Variants in PVT1 observed in about 807,000 individuals in gnomAD.
The protein encoded by PVT1 is Pvt1 oncogene.
chr8:128,029,424 G>C (rs371696748), intron 4 of PVT1, among the ~76,000 whole-genome samples: 90 of 152,168 alleles, frequency 5.9e-4, no homozygotes, highest in African/African-American at 2.0e-3. Flanking sequence ...CATTGTGCCT[G>C]GCCTCCTATT....
intron 2 of PVT1, among the ~76,000 whole-genome samples, chr8:127,828,514 A>G (rs1419135107): frequency 6.6e-6 from 1 of 152,032 alleles, no homozygotes; most frequent in African/African-American, 2.4e-5. Context: ...CCAGAGATGT[A>G]TTTTGAAATT....
chr8:127,874,580 G>C (rs1479663169), intron 2 of PVT1, among the ~76,000 whole-genome samples: 2 of 152,158 alleles, frequency 1.3e-5, no homozygotes, highest in Admixed American at 1.3e-4. Context: ...TTCCTAGGAG[G>C]GGTGTTGAGA....
At chr8:127,805,283 T>C (rs1355531844) in intron 2 of PVT1, among the ~76,000 whole-genome samples, 1 of 152,194 alleles carries the variant, frequency 6.6e-6, no homozygotes, top group Non-Finnish European at 1.5e-5. Context: ...GTTTCGTTGC[T>C]TACTTTATCA....
chr8:127,882,036 G>A (rs374351210), intron 2 of PVT1, among the ~76,000 whole-genome samples: 1 of 152,132 alleles, frequency 6.6e-6, no homozygotes. Flanking sequence ...CGCTGTGCCC[G>A]GCTTATTCTT....
intron 4 of PVT1, chr8:127,996,571 C>A (rs1184034798): frequency 6.6e-6 from 1 of 151,886 alleles, no homozygotes; most frequent in Non-Finnish European, 1.5e-5. Flanking sequence ...AGTGTGGGCA[C>A]CCTGGCTTCA....
chr8:128,068,134 C>G (rs1325428864), intron 4 of PVT1, among the ~76,000 whole-genome samples: 1 of 151,904 alleles, frequency 6.6e-6, no homozygotes, highest in African/African-American at 2.4e-5. Flanking sequence ...AGGGATGTGT[C>G]CTCAGTGGAC....
At chr8:127,957,226 G>C (rs942368081) in intron 3 of PVT1, among the ~76,000 whole-genome samples, 17 of 152,118 alleles carry the variant, frequency 1.1e-4, no homozygotes, top group African/African-American at 4.1e-4. Context: ...CACCATGATA[G>C]CCTGTGACAT....
chr8:127,979,462 C>G (rs988832351), intron 3 of PVT1, among the ~76,000 whole-genome samples: 2 of 152,190 alleles, frequency 1.3e-5, no homozygotes, highest in African/African-American at 4.8e-5. Flanking sequence ...TCATATAAAC[C>G]TTTGCGATGC....
At chr8:127,803,464 T>C (rs543913028) in intron 2 of PVT1, 4 of 152,312 alleles carry the variant, frequency 2.6e-5, no homozygotes, top group East Asian at 1.9e-4. Context: ...TCCTGAGAAC[T>C]GGGCACTTTT....
chr8:127,985,321 C>T (rs368468620), intron 3 of PVT1, among the ~76,000 whole-genome samples: 12 of 152,036 alleles, frequency 7.9e-5, no homozygotes, highest in South Asian at 6.2e-4. Context: ...CGTGAGCCAC[C>T]GCGCCCAGCC....
chr8:127,802,739 A>G (rs955495542), intron 2 of PVT1, among the ~76,000 whole-genome samples: 4 of 152,232 alleles, frequency 2.6e-5, no homozygotes, highest in African/African-American at 9.6e-5. Context: ...GGTGAGGCAC[A>G]GGTGTTCTGC....
intron 2 of PVT1, among the ~76,000 whole-genome samples, chr8:127,868,162 A>G (rs1393068640): frequency 2.6e-5 from 4 of 152,116 alleles, no homozygotes; most frequent in Admixed American, 1.3e-4. Context: ...TTAATCCTAG[A>G]GCAGTTCTGC....
At chr8:127,932,661 C>T in intron 3 of PVT1, 1 of 397,548 alleles carries the variant, frequency 2.5e-6, no homozygotes, top group African/African-American at 2.1e-5. Context: ...TTCAAGGCCC[C>T]TTCTTTCTTT....
chr8:127,987,387 T>C (rs534342072), intron 3 of PVT1, among the ~76,000 whole-genome samples: 1 of 152,080 alleles, frequency 6.6e-6, no homozygotes, highest in South Asian at 2.1e-4. Context: ...TTTGGCCCAA[T>C]CTCATTGCCT....
At chr8:127,857,768 T>G (rs931198632) in intron 2 of PVT1, among the ~76,000 whole-genome samples, 1 of 152,234 alleles carries the variant, frequency 6.6e-6, no homozygotes, top group African/African-American at 2.4e-5. Flanking sequence ...TTTTTTACCC[T>G]CATGTTCTCC....
intron 2 of PVT1, among the ~76,000 whole-genome samples, chr8:127,860,897 C>T (rs1815221137): frequency 6.6e-6 from 1 of 152,068 alleles, no homozygotes; most frequent in African/African-American, 2.4e-5. Context: ...GCAAGGGGCT[C>T]CTTGAAGAGT....
chr8:127,814,772 C>T lies in PVT1; in HGVS notation n.372+18701C>T, dbSNP rs1262280733. Reference sequence around the variant, plus strand: ...TGTGTAACCATCACCGCTAATCTAACCATCTCCGGAACATTTTTCATCATT... The same window carrying T: ...TGTGTAACCATCACCGCTAATCTAATCATCTCCGGAACATTTTTCATCATT... On this transcript the variant is annotated intron_variant and non_coding_transcript_variant, in intron 2 of 10. Coordinates refer to ENST00000651587, the Ensembl canonical transcript of PVT1. Among the ~76,000 whole-genome samples the T allele has an allele frequency of 2.6e-5, 4 of 152,146 alleles. No individual in the cohort carries two copies. The East Asian group carries it at 7.7e-4, about 29-fold the overall frequency.
intron 3 of PVT1, among the ~76,000 whole-genome samples, chr8:127,917,772 A>G (rs1816005166): frequency 2.0e-5 from 3 of 152,228 alleles, no homozygotes. Context: ...CTGCCTCTGC[A>G]GTGGTGGCAG....
At chr8:127,932,704 C>A in intron 3 of PVT1, 2 of 389,770 alleles carry the variant, frequency 5.1e-6, no homozygotes, top group Non-Finnish European at 9.0e-6. Context: ...AAACATAATA[C>A]ACGTTATATT....
Sources: allele counts gnomAD v4.1 joint callset (sites outside exome capture counted in the v4.1 genomes callset), GRCh38; gene constraint gnomAD v4.1.1; transcripts MANE v1.5; gene names NCBI Gene and HGNC (gene_info 2026-07-23, HGNC 2026-07-21).